The following DNAH17 variants were observed in gnomAD, a reference collection of about 807,000 sequenced individuals.
DNAH17 encodes the protein dynein axonemal heavy chain 17, also known as axonemal beta dynein heavy chain 17.
In DNAH17, 376 loss-of-function variants were observed where a neutral mutation model predicts 485.6. The ratio of observed to expected loss-of-function variants is 0.77; its 90% CI spans 0.71 to 0.84. The LOEUF is 0.84. Among genes scored for constraint, DNAH17 ranks in the 40% least tolerant of loss-of-function variants. DNAH17 has a pLI of 0.00. For missense variants in DNAH17, 6,370 were observed against 5,839.3 expected (o/e 1.09, Z -2.96); for synonymous variants, 3,031 against 2,405.9 (o/e 1.26, Z -7.60).
At chr17:78,502,500 G>C in intron 33 of DNAH17, 91 bp downstream of exon 33, 1 of 1,241,844 alleles carries the variant, frequency 8.1e-7, no homozygotes, top group Non-Finnish European at 1.1e-6. Flanking sequence ...CCAGGTACTC[G>C]CCCGGCAGGT....
chr17:78,502,414 G>T, intron 33 of DNAH17, 177 bp downstream of exon 33: 1 of 561,256 alleles, frequency 1.8e-6, no homozygotes, highest in African/African-American at 1.9e-5. Flanking sequence ...AGGTGCCTGG[G>T]GCTGTGGTGC....
At chr17:78,477,551 G>T (rs2089090084) in intron 51 of DNAH17, among the ~76,000 whole-genome samples, 1 of 152,096 alleles carries the variant, frequency 6.6e-6, no homozygotes, top group African/African-American at 2.4e-5. Flanking sequence ...GCTAATTTTT[G>T]TATTTTTAGT....
intron 16 of DNAH17, among the ~76,000 whole-genome samples, chr17:78,544,406 G>A (rs1395202036): frequency 2.0e-5 from 3 of 152,212 alleles, no homozygotes; most frequent in Non-Finnish European, 4.4e-5. Context: ...GTGGGAGTAA[G>A]TCCCTTTTGT....
At chr17:78,573,369 C>T (rs939009010) in intron 2 of DNAH17, among the ~76,000 whole-genome samples, 1 of 152,052 alleles carries the variant, frequency 6.6e-6, no homozygotes, top group Non-Finnish European at 1.5e-5. Flanking sequence ...GAGGCCGAGG[C>T]AGGTACATCA....
At position 78,514,941 on chromosome 17, in the gene DNAH17, A is replaced by G. The variant is rs367681893; in HGVS notation, c.3946T>C (p.Phe1316Leu). Residue 1316 changes from phenylalanine to leucine, a missense_variant, in exon 26 of 81, where the codon TTT (phenylalanine) becomes CTT (leucine). Phe to Leu is a conservative substitution (Grantham distance 22). Transcript: ENST00000389840. ...TCCAAAGACCTCATGTCCTTGGCAA[A>G]CTTCTTACAATCTATGTCCATCTGC... ...VEQMDIDCKK[F>L]AKDMRSLDKE... 4 of 1,613,890 alleles carry G rather than the reference A, an allele frequency of 2.5e-6. No individual in the cohort carries two copies. In the African/African-American group the frequency reaches 5.3e-5, roughly 22 times the overall value.
chr17:78,459,776 C>T lies in DNAH17; in HGVS notation c.9653+8G>A, dbSNP rs749911930. 80 of 1,613,764 alleles carry T rather than the reference C, an allele frequency of 5.0e-5. No homozygotes were observed. Among genetic ancestry groups the T allele is most frequent in the Non-Finnish European group, 5.4e-5 (64 of 1,179,822 alleles). Reference sequence around the variant, plus strand: ...AAGCCCCGGCTACGAGGCCCAGCCCCGACTCACTTGAAGGCCTTCAGGCAG... The same window carrying T: ...AAGCCCCGGCTACGAGGCCCAGCCCTGACTCACTTGAAGGCCTTCAGGCAG... On this transcript the variant is annotated splice_region_variant and intron_variant, in intron 60 of 80. Coordinates refer to ENST00000389840, the MANE Select transcript of DNAH17 (RefSeq NM_173628.4).
chr17:78,510,943 G>A (rs1867475), intron 26 of DNAH17, among the ~76,000 whole-genome samples: 92,181 of 152,046 alleles, frequency 0.61, 28,482 homozygotes, highest in African/African-American at 0.72. Flanking sequence ...AGGGCCTTGT[G>A]GAGACCAAGG....
chr17:78,453,531 C>T lies in DNAH17; in HGVS notation c.10407-66G>A, dbSNP rs1048673986. On this transcript the variant is annotated intron_variant, in intron 64 of 80. Coordinates refer to ENST00000389840, the MANE Select transcript of DNAH17 (RefSeq NM_173628.4). ...TCGTGATGGAACGGTGCGCACGCTC[C>T]GACCAGCAGCCCCTGCCCTCTGAGC... 198 of 1,588,534 alleles carry T rather than the reference C, an allele frequency of 1.2e-4. No homozygotes were observed. In the Middle Eastern group the frequency reaches 1.9e-3, roughly 15 times the overall value.
chr17:78,487,541 T>G (rs942805438), intron 44 of DNAH17, among the ~76,000 whole-genome samples: 8 of 151,772 alleles, frequency 5.3e-5, no homozygotes, highest in African/African-American at 1.9e-4. Context: ...GAGACTCATT[T>G]TTTTTCTTCT....
At chr17:78,518,558 T>G (rs2090849307) in intron 25 of DNAH17, among the ~76,000 whole-genome samples, 1 of 152,156 alleles carries the variant, frequency 6.6e-6, no homozygotes, top group African/African-American at 2.4e-5. Context: ...TTGGAGAGAT[T>G]TCAGCACCCC....
chr17:78,458,515 C>A (rs1568080406), intron 62 of DNAH17, 50 bp downstream of exon 62: 2 of 1,526,126 alleles, frequency 1.3e-6, no homozygotes, highest in South Asian at 1.1e-5. Context: ...GGGCTTGTCC[C>A]TTTCAGGGGG....
At chr17:78,484,608 C>T (rs1308714360) in intron 48 of DNAH17, among the ~76,000 whole-genome samples, 2 of 152,098 alleles carry the variant, frequency 1.3e-5, no homozygotes, top group African/African-American at 2.4e-5. Context: ...GCCACTGCTG[C>T]ATGTTTGTGA....
chr17:78,536,949 G>T lies in DNAH17; in HGVS notation c.2859+350C>A, dbSNP rs1384391210. Among the ~76,000 whole-genome samples, 3 of 152,034 alleles carry T rather than the reference G, an allele frequency of 2.0e-5. No homozygotes were observed. The East Asian group carries it at 5.8e-4, about 29-fold the overall frequency. ...CCAGCACTTTGGGAGGCCGAGGCGG[G>T]TGGATCATGAGTTCAGGAGATCCAG... On this transcript the variant is annotated intron_variant, in intron 19 of 80. Coordinates refer to ENST00000389840, the MANE Select transcript of DNAH17 (RefSeq NM_173628.4).
At chr17:78,478,923 A>G (rs2146614102) in intron 51 of DNAH17, 102 bp downstream of exon 51, 1 of 889,570 alleles carries the variant, frequency 1.1e-6, no homozygotes, top group Middle Eastern at 2.2e-4. Flanking sequence ...CATCACCACC[A>G]TCATCAGTCC....
intron 16 of DNAH17, among the ~76,000 whole-genome samples, chr17:78,545,240 A>T (rs897956298): frequency 6.6e-6 from 1 of 152,224 alleles, no homozygotes; most frequent in Non-Finnish European, 1.5e-5. Context: ...GATATGATTA[A>T]GCCTGTGTTT....
intron 55 of DNAH17, among the ~76,000 whole-genome samples, chr17:78,467,528 A>G (rs1489605092): frequency 6.6e-6 from 1 of 152,164 alleles, no homozygotes; most frequent in African/African-American, 2.4e-5. Flanking sequence ...GATAACATTC[A>G]CTAATTGGGC....
At chr17:78,468,173 TAAA>T (rs2088574137) in intron 55 of DNAH17, among the ~76,000 whole-genome samples, 1 of 150,962 alleles carries the variant, frequency 6.6e-6, no homozygotes, top group African/African-American at 2.4e-5. Flanking sequence ...AAAAAAATAA[TAAA>T]AAATAATACA....
chr17:78,530,217 G>T, intron 21 of DNAH17, 126 bp downstream of exon 21: 2 of 1,209,088 alleles, frequency 1.7e-6, no homozygotes, highest in Non-Finnish European at 2.2e-6. Context: ...TGGCCTTGAA[G>T]CCCAGCCTCC....
chr17:78,506,947 C>G lies in DNAH17; in HGVS notation c.4677-101G>C, dbSNP rs1046818023. ...AAGGAAACTGATCATCCTGGAGATG[C>G]CTGGACTGCTGTTCACAGGCCTGGT... On this transcript the variant is annotated intron_variant, in intron 29 of 80. Transcript: ENST00000389840. 8.0e-6 allele frequency: 12 copies of G among 1,499,346 alleles called. No individual in the cohort carries two copies. The East Asian group carries it at 2.5e-4, about 31-fold the overall frequency. The allele number at this position is 1,499,346 out of a possible 1,614,324, so 92.9% of individuals were successfully genotyped here.
Sources: allele counts gnomAD v4.1 joint callset (sites outside exome capture counted in the v4.1 genomes callset), GRCh38; gene constraint gnomAD v4.1.1; transcripts MANE v1.5; gene names NCBI Gene and HGNC (gene_info 2026-07-23, HGNC 2026-07-21).